The following KSR1 variants were observed in gnomAD, a reference collection of about 807,000 sequenced individuals.
The protein encoded by KSR1 is kinase suppressor of ras 1.
Under a neutral mutation model 92.9 loss-of-function variants are expected in KSR1, and 35 were observed. The ratio of observed to expected loss-of-function variants is 0.38; its 90% CI spans 0.29 to 0.50. The LOEUF (loss-of-function observed/expected upper bound fraction) is 0.50. KSR1 is among the 20% of genes least tolerant of loss of function. The probability of loss-of-function intolerance (pLI) is 0.94; values close to 1 mark genes in which losing one functional copy is unlikely to be tolerated. For synonymous variants in KSR1, 467 were observed against 472.6 expected (o/e 0.99, Z 0.15); for missense variants, 972 against 1,158.5 (o/e 0.84, Z 2.34).
chr17:27,504,846 C>G (rs556970912), intron 1 of KSR1, among the ~76,000 whole-genome samples: 2 of 152,220 alleles, frequency 1.3e-5, no homozygotes. Context: ...CAGGAGCCGG[C>G]TTATCCTGGC....
At chr17:27,594,672 AG>A (rs1219810377) in intron 9 of KSR1, among the ~76,000 whole-genome samples, 2 of 152,158 alleles carry the variant, frequency 1.3e-5, no homozygotes, top group African/African-American at 4.8e-5. Flanking sequence ...AGTTCTCACT[AG>A]GGGCCACACA....
chr17:27,475,704 G>A (rs867179553), intron 1 of KSR1, among the ~76,000 whole-genome samples: 8 of 152,180 alleles, frequency 5.3e-5, no homozygotes, highest in African/African-American at 1.7e-4. Context: ...AAAACAGAAT[G>A]TATGAGGCTA....
chr17:27,625,639 T>A lies in KSR1; in HGVS notation c.*2247T>A, dbSNP rs2074325204. On this transcript the variant is annotated 3_prime_UTR_variant, in exon 21 of 21. Transcript: ENST00000644974. ...ATGATGGCCCCCTCTGTTCCCCTTG[T>A]ATTTCAGTGACTGTGAATTGAGGTT... 1 of 152,034 alleles carries A rather than the reference T, an allele frequency of 6.6e-6. No homozygotes were observed. The highest frequency in any genetic ancestry group is 1.5e-5 in the Non-Finnish European group (1 of 68,012). The allele number at this position is 152,034 out of a possible 1,614,324, so 9.4% of individuals were successfully genotyped here. A position where few individuals can be genotyped will look rare whatever the true frequency, so the allele number is the denominator to read the frequency against.
intron 1 of KSR1, among the ~76,000 whole-genome samples, chr17:27,548,974 G>C (rs2071291094): frequency 6.6e-6 from 1 of 152,172 alleles, no homozygotes; most frequent in Non-Finnish European, 1.5e-5. Context: ...AAACCCAAAA[G>C]TTCAAAATCC....
chr17:27,498,391 C>T (rs1018413546), intron 1 of KSR1, among the ~76,000 whole-genome samples: 5 of 149,568 alleles, frequency 3.3e-5, no homozygotes, highest in Admixed American at 3.3e-4. Context: ...TTACACACAA[C>T]TTGATGTGAC....
intron 1 of KSR1, among the ~76,000 whole-genome samples, chr17:27,494,623 C>T (rs191171307): frequency 1.0e-3 from 159 of 152,250 alleles, no homozygotes; most frequent in Non-Finnish European, 2.0e-3. Flanking sequence ...GGGACAAGTA[C>T]GAACAGGTCT....
In KSR1 at chr17:27,526,051, T is replaced by G. The variant is rs1358492724; in HGVS notation, c.232-24517T>G. On this transcript the variant is annotated intron_variant, in intron 1 of 20. Transcript: ENST00000644974. The stretch of plus-strand genomic sequence containing the variant: ...TCTTTTCTTTTCTTTTCTTTCTCTC[T>G]CTCTCTCTCTCTTTCTTTCTCTTTC... Among the ~76,000 whole-genome samples the G allele has an allele frequency of 6.7e-5, 9 of 133,732 alleles. No homozygotes were observed. In the Admixed American group the frequency reaches 7.2e-4, roughly 11 times the overall value. 87.7% of individuals were successfully genotyped at this position (133,732 alleles called of 152,430 possible). A position where few individuals can be genotyped will look rare whatever the true frequency, so the allele number is the denominator to read the frequency against.
At chr17:27,537,561 G>A (rs1246846890) in intron 1 of KSR1, among the ~76,000 whole-genome samples, 1 of 152,052 alleles carries the variant, frequency 6.6e-6, no homozygotes, top group Non-Finnish European at 1.5e-5. Flanking sequence ...CGTGGTGGCG[G>A]GCACCTGTAA....
chr17:27,617,239 T>C, intron 18 of KSR1, 56 bp from the exon 19 acceptor site: 1 of 1,555,126 alleles, frequency 6.4e-7, no homozygotes, highest in East Asian at 2.3e-5. Context: ...ACCCCTACTG[T>C]GTGCCCCCTC....
intron 18 of KSR1, among the ~76,000 whole-genome samples, chr17:27,615,165 T>G (rs1296759877): frequency 6.6e-6 from 1 of 152,252 alleles, no homozygotes; most frequent in Non-Finnish European, 1.5e-5. Context: ...GTCTATCAGC[T>G]TTTCACTCTG....
chr17:27,574,002 T>G (rs1020211284), intron 2 of KSR1, among the ~76,000 whole-genome samples: 2 of 152,140 alleles, frequency 1.3e-5, no homozygotes, highest in African/African-American at 4.8e-5. Flanking sequence ...GAAGATTGGG[T>G]TTCCTCAGCC....
intron 2 of KSR1, among the ~76,000 whole-genome samples, chr17:27,575,725 C>T (rs2948520): frequency 0.43 from 65,806 of 152,046 alleles, 14,396 homozygotes; most frequent in Non-Finnish European, 0.47. Context: ...GGTTTCCTCC[C>T]TCCCTGATGA....
At chr17:27,483,599 A>AAG (rs1555566696) in intron 1 of KSR1, 3 of 151,920 alleles carry the variant, frequency 2.0e-5, no homozygotes, top group African/African-American at 4.8e-5. Context: ...AAAAAAAAAA[A>AAG]AAAGAAATCA....
chr17:27,609,696 A>G (rs150940878), intron 16 of KSR1: 3 of 332,300 alleles, frequency 9.0e-6, no homozygotes, highest in South Asian at 4.7e-5. Context: ...GGAACCCAAA[A>G]GGGAGCATGG....
intron 1 of KSR1, among the ~76,000 whole-genome samples, chr17:27,538,056 C>T (rs1393362358): frequency 6.6e-6 from 1 of 152,182 alleles, no homozygotes; most frequent in Admixed American, 6.5e-5. Flanking sequence ...TGGAAGAATG[C>T]TTTTGGATGG....
chr17:27,481,993 A>G (rs765503055), intron 1 of KSR1, among the ~76,000 whole-genome samples: 31 of 152,298 alleles, frequency 2.0e-4, no homozygotes, highest in Non-Finnish European at 3.7e-4. Flanking sequence ...AATTTCTGTC[A>G]TCCATCAAAT....
chr17:27,529,254 A>G (rs192117575), intron 1 of KSR1, among the ~76,000 whole-genome samples: 75 of 152,308 alleles, frequency 4.9e-4, no homozygotes, highest in Non-Finnish European at 7.6e-4. Context: ...GCATTGCCTC[A>G]TATGATTAAG....
chr17:27,541,808 A>G (rs1030002242), intron 1 of KSR1, among the ~76,000 whole-genome samples: 20 of 152,178 alleles, frequency 1.3e-4, no homozygotes, highest in Non-Finnish European at 1.2e-4. Context: ...TGGGTTTCAC[A>G]TGAGAGGTTT....
At position 27,496,110 on chromosome 17, in the gene KSR1, C is replaced by T. The variant is rs926991864; in HGVS notation, c.231+39236C>T. ...TGGTCAGGCCCAGCATTATGAATCT[C>T]TTTTGGCCAAGTTCCTGGGATAGGC... On this transcript the variant is annotated intron_variant, in intron 1 of 20. Coordinates refer to ENST00000644974, the MANE Select transcript of KSR1 (RefSeq NM_001394583.1). Among the ~76,000 whole-genome samples the T allele has an allele frequency of 2.0e-5, 3 of 152,222 alleles. No homozygotes were observed. In the South Asian group the frequency reaches 6.2e-4, roughly 31 times the overall value.
Sources: allele counts gnomAD v4.1 joint callset (sites outside exome capture counted in the v4.1 genomes callset), GRCh38; gene constraint gnomAD v4.1.1; transcripts MANE v1.5; gene names NCBI Gene and HGNC (gene_info 2026-07-23, HGNC 2026-07-21).